Variants in BMPR1B observed in about 807,000 individuals in gnomAD.
The protein encoded by BMPR1B is bone morphogenetic protein receptor type-1B.
BMPR1B carries 12 observed loss-of-function variants against 59.1 expected under a neutral mutation model. That is an observed-to-expected ratio of 0.20 (90% confidence interval 0.13 to 0.33). The LOEUF is 0.33. Ranked by LOEUF, BMPR1B falls within the 10% of genes least tolerant of loss-of-function variation. The pLI is 1.00. For synonymous variants in BMPR1B, 237 were observed against 207.3 expected, an observed-to-expected ratio of 1.14 and a Z score of -1.23; for missense variants, 550 against 610.9, an observed-to-expected ratio of 0.90 and a Z score of 1.05.
At chr4:94,893,005 A>T (rs1033024474) in intron 2 of BMPR1B, among the ~76,000 whole-genome samples, 4 of 152,050 alleles carry the variant, frequency 2.6e-5, no homozygotes, top group African/African-American at 9.7e-5. Context: ...TGCAGGAGCA[A>T]AAAATCTAGC....
chr4:94,952,399 T>G (rs1729979383), intron 2 of BMPR1B, among the ~76,000 whole-genome samples: 1 of 152,200 alleles, frequency 6.6e-6, no homozygotes, highest in Non-Finnish European at 1.5e-5. Context: ...GGGCATTTAG[T>G]GCTATAAATT....
At chr4:94,774,780 T>C (rs910150366) in intron 1 of BMPR1B, among the ~76,000 whole-genome samples, 3 of 152,154 alleles carry the variant, frequency 2.0e-5, no homozygotes, top group African/African-American at 7.2e-5. Context: ...TTTAACTGTA[T>C]GAAATGTCAA....
chr4:95,126,748 G>A lies in BMPR1B; in HGVS notation c.585+1627G>A, dbSNP rs560010786. ...CAATAAAGAAAAAGTCTCTATTACAGATTTATTTTCTGGTTTTAAGATTTG... is the reference window on the plus strand; with the variant it reads ...CAATAAAGAAAAAGTCTCTATTACAAATTTATTTTCTGGTTTTAAGATTTG... On this transcript the variant is annotated intron_variant, in intron 8 of 12. Transcript: ENST00000515059. 2.0e-5 allele frequency among the ~76,000 whole-genome samples: 3 copies of A among 152,236 alleles called. No individual in the cohort carries two copies. In the South Asian group the frequency reaches 6.2e-4, roughly 32 times the overall value.
rs191350718 is a variant in BMPR1B at position 94,944,245 on chromosome 4, C to A, written c.-112-51795C>A. Among the ~76,000 whole-genome samples the A allele has an allele frequency of 5.3e-5, 8 of 152,088 alleles. No homozygotes were observed. In the East Asian group the frequency reaches 7.7e-4, roughly 15 times the overall value. The stretch of plus-strand genomic sequence containing the variant: ...AGTGTTTGGGATAAGGGATATTCAA[C>A]CTATAGTAGGAAATATTTAATATTT... On this transcript the variant is annotated intron_variant, in intron 2 of 12. Transcript: ENST00000515059.
chr4:95,090,711 T>G (rs1418717964), intron 3 of BMPR1B, among the ~76,000 whole-genome samples: 5 of 152,120 alleles, frequency 3.3e-5, no homozygotes, highest in African/African-American at 1.2e-4. Flanking sequence ...TTAATATTTG[T>G]GTATGACAAA....
Position 94,878,734 on chromosome 4 carries a change from C to CTT in BMPR1B, c.-113+2851_-113+2852dup, listed in dbSNP as rs542970645. Reference sequence around the variant, plus strand: ...CATACATTTCATTTAACAGGTTCTGCTTTTTTTTTTTTTTTTTTACTTCTG... The same window carrying CTT: ...CATACATTTCATTTAACAGGTTCTGCTTTTTTTTTTTTTTTTTTTTACTTCTG... On this transcript the variant is annotated intron_variant, in intron 2 of 12. Transcript: ENST00000515059. 1.6e-3 allele frequency among the ~76,000 whole-genome samples: 203 copies of CTT among 127,310 alleles called. 1 individual carries two copies. The highest frequency in any genetic ancestry group is 8.7e-3 in the East Asian group (38 of 4,344). The allele number at this position is 127,310 out of a possible 152,430, so 83.5% of individuals were successfully genotyped here. A position where few individuals can be genotyped will look rare whatever the true frequency, so the allele number is the denominator to read the frequency against.
intron 1 of BMPR1B, among the ~76,000 whole-genome samples, chr4:94,795,970 C>CT (rs34107733): frequency 0.35 from 51,226 of 146,320 alleles, 9,181 homozygotes; most frequent in African/African-American, 0.44. Flanking sequence ...CTTTTTTTAA[C>CT]TTTTTTTTTT....
chr4:95,051,751 C>A (rs1726519187), intron 3 of BMPR1B: 1 of 1,535,612 alleles, frequency 6.5e-7, no homozygotes. Context: ...CTTGCTCATT[C>A]TTCTCTCTAT....
intron 3 of BMPR1B, among the ~76,000 whole-genome samples, chr4:95,053,105 T>C (rs894686099): frequency 1.3e-5 from 2 of 152,190 alleles, no homozygotes; most frequent in Non-Finnish European, 2.9e-5. Context: ...ACAGACAGAA[T>C]CTTTGAATCA....
chr4:94,945,180 A>T (rs1172250842), intron 2 of BMPR1B, among the ~76,000 whole-genome samples: 1 of 152,178 alleles, frequency 6.6e-6, no homozygotes, highest in Non-Finnish European at 1.5e-5. Context: ...TTAATATAGA[A>T]TTGCAGTTTA....
chr4:94,820,333 C>CA (rs1295918282), intron 1 of BMPR1B, among the ~76,000 whole-genome samples: 2 of 152,122 alleles, frequency 1.3e-5, no homozygotes, highest in Non-Finnish European at 2.9e-5. Flanking sequence ...AAGTCACCCA[C>CA]AAAAAACATT....
At chr4:94,953,706 A>G (rs1313862093) in intron 2 of BMPR1B, among the ~76,000 whole-genome samples, 4 of 149,142 alleles carry the variant, frequency 2.7e-5, no homozygotes, top group African/African-American at 7.4e-5. Flanking sequence ...CTTCATTTCA[A>G]CTGTGATGAA....
At chr4:94,879,044 A>C (rs1726855040) in intron 2 of BMPR1B, among the ~76,000 whole-genome samples, 1 of 152,122 alleles carries the variant, frequency 6.6e-6, no homozygotes, top group South Asian at 2.1e-4. Context: ...GTACATGTGC[A>C]CAATGTGCAG....
chr4:94,798,843 C>T (rs554791928), intron 1 of BMPR1B, among the ~76,000 whole-genome samples: 19 of 151,954 alleles, frequency 1.3e-4, no homozygotes, highest in South Asian at 1.0e-3. Context: ...CTCCCTTCCC[C>T]GCAGTGTTTT....
At chr4:94,880,415 C>T (rs1726911301) in intron 2 of BMPR1B, among the ~76,000 whole-genome samples, 1 of 152,114 alleles carries the variant, frequency 6.6e-6, no homozygotes, top group African/African-American at 2.4e-5. Flanking sequence ...GCCTCAACCT[C>T]CTGGGCAGCA....
chr4:95,019,492 A>T (rs941097614), intron 3 of BMPR1B, among the ~76,000 whole-genome samples: 1 of 152,226 alleles, frequency 6.6e-6, no homozygotes, highest in African/African-American at 2.4e-5. Flanking sequence ...CCTTTCCATT[A>T]TAGAGAAACT....
chr4:95,025,099 T>C (rs1472278389), intron 3 of BMPR1B, among the ~76,000 whole-genome samples: 2 of 151,276 alleles, frequency 1.3e-5, no homozygotes, highest in East Asian at 1.9e-4. Context: ...AAAAAGAAAA[T>C]GAGAAAGAGG....
At chr4:94,876,321 A>G (rs551369628) in intron 2 of BMPR1B, among the ~76,000 whole-genome samples, 1 of 152,328 alleles carries the variant, frequency 6.6e-6, no homozygotes, top group Admixed American at 6.5e-5. Flanking sequence ...TTTCATGCTG[A>G]TAGTTCTAGT....
At chr4:95,115,331 A>G (rs1731938536) in intron 5 of BMPR1B, among the ~76,000 whole-genome samples, 1 of 152,162 alleles carries the variant, frequency 6.6e-6, no homozygotes, top group Non-Finnish European at 1.5e-5. Context: ...TTGAAATCAA[A>G]TATTATTTTT....
Sources: allele counts gnomAD v4.1 joint callset (sites outside exome capture counted in the v4.1 genomes callset), GRCh38; gene constraint gnomAD v4.1.1; transcripts MANE v1.5; gene names NCBI Gene and HGNC (gene_info 2026-07-23, HGNC 2026-07-21).